PELI2: variants seen among roughly 807,000 people sequenced by gnomAD.
PELI2 encodes the protein E3 ubiquitin-protein ligase pellino homolog 2.
In PELI2, 23 loss-of-function variants were observed where a neutral mutation model predicts 42.3. The ratio of observed to expected loss-of-function variants is 0.54; its 90% CI spans 0.39 to 0.77. PELI2 has a LOEUF of 0.77. Among genes scored for constraint, PELI2 ranks in the 30% least tolerant of loss-of-function variants. PELI2 has a pLI of 0.00. For missense variants in PELI2, 463 were observed against 553.2 expected, an observed-to-expected ratio of 0.84 and a Z score of 1.64; for synonymous variants, 245 against 212.2, an observed-to-expected ratio of 1.15 and a Z score of -1.34.
chr14:56,297,139 A>T lies in PELI2; in HGVS notation c.1236A>T (p.Lys412Asn). ...TQLVGEQNCI[K>N]LIFQGPID ...TGGTTGGGGAGCAAAACTGCATCAA[A>T]TTAATTTTCCAAGGTCCAATTGACT... Residue 412 changes from lysine (K) to asparagine (N), a missense_variant, in exon 6 of 6, where the codon AAA becomes AAT. Physicochemically the swap from Lys to Asn is moderately conservative, Grantham distance 94. Transcript: ENST00000267460. The T allele has an allele frequency of 6.2e-7, 1 of 1,601,726 alleles. No individual in the cohort carries two copies.
chr14:56,292,504 C>T (rs1234577753), intron 5 of PELI2, among the ~76,000 whole-genome samples: 1 of 152,184 alleles, frequency 6.6e-6, no homozygotes. Flanking sequence ...TGGAGACAGT[C>T]TCTGGCAGTA....
At chr14:56,158,170 G>A (rs761334733) in intron 1 of PELI2, among the ~76,000 whole-genome samples, 2 of 151,934 alleles carry the variant, frequency 1.3e-5, no homozygotes, top group Non-Finnish European at 2.9e-5. Context: ...AGGGATTATA[G>A]ATGTGCATCA....
chr14:56,243,049 TG>T (rs1345749386), intron 2 of PELI2, among the ~76,000 whole-genome samples: 1 of 152,258 alleles, frequency 6.6e-6, no homozygotes. Context: ...CTTTCATCCG[TG>T]GCTTATTTTA....
In PELI2 at chr14:56,290,420, G is replaced by A. The variant is rs764883203; in HGVS notation, c.660G>A (p.Leu220=). Residue 220 remains leucine (L), a synonymous_variant, in exon 5 of 6, where the codon TTG becomes TTA. Transcript: ENST00000267460. ...CTGTCTGTGGAGATGTGTACACCTTGCGAGAAACCAGGTCGGCCCAGCAAC... is the reference window on the plus strand; with the variant it reads ...CTGTCTGTGGAGATGTGTACACCTTACGAGAAACCAGGTCGGCCCAGCAAC... ...EISVCGDVYT[L]RETRSAQQRG... is the part of the protein sequence containing the mutation. The A allele has an allele frequency of 1.9e-6, 3 of 1,608,926 alleles. No homozygotes were observed. The highest frequency in any genetic ancestry group is 2.2e-5 in the East Asian group (1 of 44,742).
intron 2 of PELI2, among the ~76,000 whole-genome samples, chr14:56,277,369 G>A (rs545061166): frequency 3.3e-5 from 5 of 151,896 alleles, no homozygotes; most frequent in Admixed American, 6.6e-5. Context: ...TCTAGGTTGC[G>A]TGTTCCTTAT....
At chr14:56,191,432 G>A (rs1885944864) in intron 2 of PELI2, among the ~76,000 whole-genome samples, 1 of 152,170 alleles carries the variant, frequency 6.6e-6, no homozygotes, top group Non-Finnish European at 1.5e-5. Context: ...ATGCAGTGTG[G>A]CTGACTGGCA....
chr14:56,146,942 C>T (rs549032325), intron 1 of PELI2, among the ~76,000 whole-genome samples: 1 of 152,250 alleles, frequency 6.6e-6, no homozygotes, highest in South Asian at 2.1e-4. Flanking sequence ...TCCCTCCTGC[C>T]AGTCTGTGGT....
intron 1 of PELI2, among the ~76,000 whole-genome samples, chr14:56,177,519 G>A (rs1306923320): frequency 6.6e-6 from 1 of 152,144 alleles, no homozygotes; most frequent in Non-Finnish European, 1.5e-5. Flanking sequence ...AGCAATATGG[G>A]TCATCAGTAA....
chr14:56,169,725 T>C (rs1459590821), intron 1 of PELI2, among the ~76,000 whole-genome samples: 5 of 152,232 alleles, frequency 3.3e-5, no homozygotes, highest in Non-Finnish European at 7.3e-5. Flanking sequence ...CTTGGTGTCC[T>C]TGTGAGGTGG....
At chr14:56,207,272 A>G (rs1162163343) in intron 2 of PELI2, among the ~76,000 whole-genome samples, 1 of 152,202 alleles carries the variant, frequency 6.6e-6, no homozygotes, top group Admixed American at 6.5e-5. Context: ...TTGTCATCAT[A>G]TCAAAATCAG....
At chr14:56,223,203 C>CA in intron 2 of PELI2, among the ~76,000 whole-genome samples, 1 of 152,294 alleles carries the variant, frequency 6.6e-6, no homozygotes, top group Admixed American at 6.5e-5. Flanking sequence ...ACTGCCGCTG[C>CA]CAAGGGAGTC....
chr14:56,271,922 G>A (rs575463796), intron 2 of PELI2, among the ~76,000 whole-genome samples: 56 of 152,262 alleles, frequency 3.7e-4, no homozygotes, highest in Non-Finnish European at 6.2e-4. Context: ...GGCATTTTGC[G>A]GGGACCTGAA....
At chr14:56,234,345 C>G (rs1023159012) in intron 2 of PELI2, among the ~76,000 whole-genome samples, 1 of 152,126 alleles carries the variant, frequency 6.6e-6, no homozygotes, top group Non-Finnish European at 1.5e-5. Flanking sequence ...AGACCTGGAA[C>G]CAGCCCAAAT....
At position 56,173,554 on chromosome 14, in the gene PELI2, A is replaced by G. The variant is rs190430128; in HGVS notation, c.78-4781A>G. On this transcript the variant is annotated intron_variant, in intron 1 of 5. Coordinates refer to ENST00000267460, the MANE Select transcript of PELI2 (RefSeq NM_021255.3). ...ACACATTACCACAAACTTGGTAACA[A>G]CAACAGATGTTCATTCTCTTACAGT... 1.8e-4 allele frequency among the ~76,000 whole-genome samples: 27 copies of G among 152,322 alleles called. No individual in the cohort carries two copies. The East Asian group carries it at 4.1e-3, about 23-fold the overall frequency.
Position 56,197,102 on chromosome 14 carries a change from A to G in PELI2, c.207+18638A>G, listed in dbSNP as rs914948147. On this transcript the variant is annotated intron_variant, in intron 2 of 5. Coordinates refer to ENST00000267460, the MANE Select transcript of PELI2 (RefSeq NM_021255.3). The surrounding 1 kb of genome is among the most constrained non-coding windows in gnomAD (Gnocchi z 4.9). ...CTGTGTGCCAGGCCCTGGGCTCTGC[A>G]TGGGATGAGTTAAGACAAACATGGT... is the stretch of plus-strand genomic sequence containing the variant. Among the ~76,000 whole-genome samples the G allele has an allele frequency of 2.0e-5, 3 of 152,166 alleles. No individual in the cohort carries two copies. The highest frequency in any genetic ancestry group is 6.5e-5 in the Admixed American group (1 of 15,280).
intron 1 of PELI2, among the ~76,000 whole-genome samples, chr14:56,134,808 A>G (rs1883628356): frequency 1.3e-5 from 2 of 151,460 alleles, no homozygotes; most frequent in South Asian, 4.2e-4. Flanking sequence ...AGAGAGTTGA[A>G]TATAGCAGGA....
intron 5 of PELI2, among the ~76,000 whole-genome samples, chr14:56,296,304 T>C (rs1010184479): frequency 4.6e-5 from 7 of 152,118 alleles, no homozygotes; most frequent in Non-Finnish European, 1.0e-4. Flanking sequence ...AAGAAAATCT[T>C]AGGAGATTTG....
At chr14:56,211,199 A>G (rs1886702222) in intron 2 of PELI2, among the ~76,000 whole-genome samples, 1 of 152,194 alleles carries the variant, frequency 6.6e-6, no homozygotes, top group Non-Finnish European at 1.5e-5. Flanking sequence ...CCTTGAGTCA[A>G]TGCTGCCAGT....
At chr14:56,123,729 A>T (rs1458214547) in intron 1 of PELI2, among the ~76,000 whole-genome samples, 1 of 152,240 alleles carries the variant, frequency 6.6e-6, no homozygotes, top group Non-Finnish European at 1.5e-5. Flanking sequence ...AATGAAAGTA[A>T]AACAGGCTTG....
Sources: gnomAD v4.1 joint callset for allele counts (sites outside exome capture counted in the v4.1 genomes callset) on GRCh38, gnomAD v4.1.1 for gene constraint, Gnocchi (gnomAD v3.1) non-coding constraint, MANE v1.5 for transcripts, NCBI Gene and HGNC (gene_info 2026-07-23, HGNC 2026-07-21) for gene names.